ZNF142: variants seen among roughly 807,000 people sequenced by gnomAD.
ZNF142 encodes the protein zinc finger protein 142, also known as zinc finger protein 142 (clone pHZ-49).
A neutral mutation model predicts 132.1 loss-of-function variants in ZNF142; 96 were observed. The ratio of observed to expected loss-of-function variants is 0.73; its 90% CI spans 0.62 to 0.86. ZNF142 has a LOEUF of 0.86. ZNF142 is among the 40% of genes least tolerant of loss of function. ZNF142 has a pLI of 0.00. For synonymous variants in ZNF142, 842 were observed against 890.1 expected, an observed-to-expected ratio of 0.95 and a Z score of 0.96; for missense variants, 2,163 against 2,336.2, an observed-to-expected ratio of 0.93 and a Z score of 1.53.
Position 218,658,826 on chromosome 2 carries a change from G to A in ZNF142, c.-160C>T, listed in dbSNP as rs1237089696. On this transcript the variant is annotated 5_prime_UTR_variant, in exon 3 of 11. Coordinates refer to ENST00000411696, the MANE Select transcript of ZNF142 (RefSeq NM_001379659.1). ...CCTGCGGGAGGGCAGGGTGAGGTAG[G>A]AGACAGGTGGGCACCAGAGAAGAAA... 1 of 152,314 alleles carries A rather than the reference G, an allele frequency of 6.6e-6. No individual in the cohort carries two copies. The highest frequency in any genetic ancestry group is 1.9e-4 in the East Asian group (1 of 5,194). The allele number at this position is 152,314 out of a possible 1,614,324, so 9.4% of individuals were successfully genotyped here.
At chr2:218,658,229 T>C (rs192403802) in intron 3 of ZNF142, among the ~76,000 whole-genome samples, 35 of 151,812 alleles carry the variant, frequency 2.3e-4, no homozygotes, top group African/African-American at 8.0e-4. Context: ...ACAGACAAGA[T>C]GCAAAAAGAA....
At position 218,646,366 on chromosome 2, in the gene ZNF142, G is replaced by C; in HGVS notation, c.1874-18C>G. 1.2e-6 allele frequency: 2 copies of C among 1,613,066 alleles called. No homozygotes were observed. The highest frequency in any genetic ancestry group is 2.2e-5 in the South Asian group (2 of 90,916). On this transcript the variant is annotated intron_variant, in intron 7 of 10. Coordinates refer to ENST00000411696, the MANE Select transcript of ZNF142 (RefSeq NM_001379659.1). ...CTTCTCACCTTATATGGGGGATGCG[G>C]ATGAAGGGAGAGAACACAGGTCAGA...
chr2:218,637,546 G>A lies in ZNF142; in HGVS notation c.*793C>T, dbSNP rs1204761384. ...TGAAGCAGTTATAGAATTCTGAATT[G>A]GAGATTTTCCTCTCTAGTCATCTGC... On this transcript the variant is annotated 3_prime_UTR_variant, in exon 11 of 11. Transcript: ENST00000411696. Among the ~76,000 whole-genome samples the A allele has an allele frequency of 6.6e-6, 1 of 152,194 alleles. No individual in the cohort carries two copies. Among genetic ancestry groups the A allele is most frequent in the East Asian group, 1.9e-4 (1 of 5,196 alleles).
In ZNF142 at chr2:218,644,650, T is replaced by C; in HGVS notation, c.2466A>G (p.Thr822=). 1 of 1,613,798 alleles carries C rather than the reference T, an allele frequency of 6.2e-7. No individual in the cohort carries two copies. Among genetic ancestry groups the C allele is most frequent in the Non-Finnish European group, 8.5e-7 (1 of 1,179,928 alleles). The change falls in exon 9 of 11, where the codon ACA becomes ACG. Residue 822 remains threonine (T), a synonymous_variant. Coordinates refer to ENST00000411696, the MANE Select transcript of ZNF142 (RefSeq NM_001379659.1). The surrounding 1 kb of genome is among the most constrained non-coding windows in gnomAD (Gnocchi z 4.6). ...TTGAGGGCTCTGAATCTGGTGGGGG[T>C]GTTGGGCCCTGCATGGCCCCTTCTG... is the stretch of plus-strand genomic sequence containing the variant. ...QEPEGAMQGP[T]PPPDSEPSNQ...
rs759213183 is a variant in ZNF142 at position 218,635,817 on chromosome 2, C to T, written c.*2522G>A. ...ACAGGTGATCAGCGGTCAGCAACTCCCCAAAGTGGACAAGACCAAAGAGGG... is the reference window on the plus strand; with the variant it reads ...ACAGGTGATCAGCGGTCAGCAACTCTCCAAAGTGGACAAGACCAAAGAGGG... On this transcript the variant is annotated 3_prime_UTR_variant, in exon 11 of 11. Transcript: ENST00000411696. The T allele has an allele frequency of 2.2e-5, 35 of 1,613,274 alleles. No homozygotes were observed. The highest frequency in any genetic ancestry group is 2.9e-5 in the Non-Finnish European group (34 of 1,179,670).
In ZNF142 at chr2:218,643,950, T is replaced by C; in HGVS notation, c.3166A>G (p.Arg1056Gly). The C allele has an allele frequency of 6.2e-7, 1 of 1,614,152 alleles. No homozygotes were observed. The highest frequency in any genetic ancestry group is 8.5e-7 in the Non-Finnish European group (1 of 1,180,002). Residue 1056 changes from arginine (R) to glycine (G), a missense_variant, in exon 9 of 11, where the codon AGG (arginine) becomes GGG (glycine). Around this residue, in one of 7 missense-constraint regions of ZNF142, gnomAD observed 809 missense variants for 801.7 expected, o/e 1.01. Transcript: ENST00000411696. ...RREKALNLHS[R>G]TGCQGRREPL... ...TCTCGGCGGCCTTGGCACCCAGTCC[T>C]GGAGTGCAGATTCAGGGCCTTCTCC...
chr2:218,642,794 G>C lies in ZNF142; in HGVS notation c.4322C>G (p.Ser1441Trp), dbSNP rs752753365. The C allele has an allele frequency of 1.9e-6, 3 of 1,614,178 alleles. No homozygotes were observed. The South Asian group carries it at 3.3e-5, about 18-fold the overall frequency. ...CCTTAACCGGTGCAAGCGCAGTTTC[G>C]AGTTGGTACCAAACGTCTGGGGGCA... ...SSCPQTFGTN[S>W]KLRLHRLRVH... The change falls in exon 9 of 11, where the codon TCG becomes TGG. Residue 1441 changes from serine (S) to tryptophan (W), a missense_variant. Physicochemically the swap from Ser to Trp is radical, Grantham distance 177. Coordinates refer to ENST00000411696, the MANE Select transcript of ZNF142 (RefSeq NM_001379659.1). The surrounding 1 kb of genome is among the most constrained non-coding windows in gnomAD (Gnocchi z 4.6).
chr2:218,640,550 C>G (rs1308299791), intron 10 of ZNF142, 114 bp downstream of exon 10: 1 of 890,800 alleles, frequency 1.1e-6, no homozygotes, highest in Non-Finnish European at 1.8e-6. Flanking sequence ...GCTGTCTACT[C>G]CCAATGTGAA....
At position 218,633,818 on chromosome 2, in the gene ZNF142, AT is replaced by A. The variant is rs1308216357; in HGVS notation, c.*4520del. 1 of 1,585,010 alleles carries A rather than the reference AT, an allele frequency of 6.3e-7. No homozygotes were observed. Among genetic ancestry groups the A allele is most frequent in the Non-Finnish European group, 8.6e-7 (1 of 1,158,434 alleles). The stretch of plus-strand genomic sequence containing the variant: ...AGTGGGATGGATAGGTTCAGGCCTG[AT>A]GGACTGGCAGGTAAGTCCCAAGAAA... On this transcript the variant is annotated 3_prime_UTR_variant, in exon 11 of 11. Transcript: ENST00000411696.
intron 3 of ZNF142, among the ~76,000 whole-genome samples, chr2:218,658,345 G>T (rs190047788): frequency 6.6e-6 from 1 of 152,256 alleles, no homozygotes; most frequent in Non-Finnish European, 1.5e-5. Flanking sequence ...TTCGAGACCA[G>T]CCTGGCGAAC....
At chr2:218,639,980 C>T (rs1373901701) in intron 10 of ZNF142, among the ~76,000 whole-genome samples, 11 of 128,160 alleles carry the variant, frequency 8.6e-5, no homozygotes, top group African/African-American at 2.6e-4. Flanking sequence ...GGTGTGAACC[C>T]GGAAGGCAGA....
intron 5 of ZNF142, among the ~76,000 whole-genome samples, chr2:218,650,987 CTTT>C (rs5838705): frequency 4.1e-4 from 57 of 137,598 alleles, no homozygotes; most frequent in Admixed American, 5.8e-4. Flanking sequence ...TTCTTTACTT[CTTT>C]TTTTTTTTTT....
In ZNF142 at chr2:218,643,824, C is replaced by T. The variant is rs1272129195; in HGVS notation, c.3292G>A (p.Gly1098Ser). Residue 1098 changes from glycine (G) to serine (S), a missense_variant, in exon 9 of 11, where the codon GGC becomes AGC. By Grantham distance (56) the Gly-to-Ser change is moderately conservative. This residue lies in a region of ZNF142 where 809 missense variants were observed against 801.7 expected (regional missense o/e 1.01). Coordinates refer to ENST00000411696, the MANE Select transcript of ZNF142 (RefSeq NM_001379659.1). Reference protein sequence around the residue: ...KCPVLLRKNKGLPRPDSPIPL... With the variant: ...KCPVLLRKNKSLPRPDSPIPL... ...ATGGGTGAATCTGGTCTGGGCAAGC[C>T]CTTGTTCTTTCTGAGTAGAACAGGG... 1 of 1,613,438 alleles carries T rather than the reference C, an allele frequency of 6.2e-7. No individual in the cohort carries two copies. Among genetic ancestry groups the T allele is most frequent in the African/African-American group, 1.3e-5 (1 of 75,026 alleles).
chr2:218,646,179 C>T lies in ZNF142; in HGVS notation c.2043G>A (p.Gly681=). 2 of 1,613,256 alleles carry T rather than the reference C, an allele frequency of 1.2e-6. No homozygotes were observed. Among genetic ancestry groups the T allele is most frequent in the Non-Finnish European group, 1.7e-6 (2 of 1,179,846 alleles). The change falls in exon 8 of 11, where the codon GGG becomes GGA. Residue 681 remains glycine, a synonymous_variant. Coordinates refer to ENST00000411696, the MANE Select transcript of ZNF142 (RefSeq NM_001379659.1). ...YLRVHMRKHA[G]DLRYQCNQCS... is the part of the protein sequence containing the mutation. ...CTATGTGTGTGTTGTACCTGAGGTC[C>T]CCTGCATGTTTTCGCATGTGCACAC...
Position 218,634,642 on chromosome 2 carries a change from A to G in ZNF142, c.*3697T>C. ...CTCTCTTAATCCAGGTACAGTGGAA[A>G]TAAACTGTTGGGAAGAAACTGAGAT... is the stretch of plus-strand genomic sequence containing the variant. On this transcript the variant is annotated 3_prime_UTR_variant, in exon 11 of 11. Coordinates refer to ENST00000411696, the MANE Select transcript of ZNF142 (RefSeq NM_001379659.1). This position sits in a 1 kb window ranked among gnomAD's most constrained non-coding sequence, Gnocchi z 4.0. The G allele has an allele frequency of 1.2e-6, 2 of 1,611,976 alleles. No homozygotes were observed. Among genetic ancestry groups the G allele is most frequent in the East Asian group, 4.5e-5 (2 of 44,882 alleles).
chr2:218,639,161 G>C (rs1407298265), intron 10 of ZNF142, among the ~76,000 whole-genome samples: 1 of 152,184 alleles, frequency 6.6e-6, no homozygotes, highest in Non-Finnish European at 1.5e-5. Flanking sequence ...AGTGAAGACA[G>C]GGTTTCACCA....
At position 218,646,280 on chromosome 2, in the gene ZNF142, T is replaced by C. The variant is rs746940708; in HGVS notation, c.1942A>G (p.Met648Val). The C allele has an allele frequency of 8.7e-6, 14 of 1,614,098 alleles. No homozygotes were observed. The highest frequency in any genetic ancestry group is 1.3e-5 in the African/African-American group (1 of 74,916). The change falls in exon 8 of 11, where the codon ATG becomes GTG. Residue 648 changes from methionine to valine, a missense_variant. Met to Val is a conservative substitution (Grantham distance 21, BLOSUM62 1). Transcript: ENST00000411696. ...CRDVSYLSKH[M>V]LTHSNTKDYM... is the part of the protein sequence containing the mutation. ...TCCTTGGTGTTGGAGTGGGTCAGCA[T>C]GTGCTTGGATAGGTAGCTCACGTCT...
Position 218,642,364 on chromosome 2 carries a change from G to A in ZNF142, c.4752C>T (p.Leu1584=). 6.2e-7 allele frequency: 1 copy of A among 1,613,276 alleles called. No individual in the cohort carries two copies. Among genetic ancestry groups the A allele is most frequent in the Non-Finnish European group, 8.5e-7 (1 of 1,180,042 alleles). Residue 1584 remains leucine (L), a synonymous_variant, in exon 9 of 11, where the codon CTC becomes CTT. Transcript: ENST00000411696. This position sits in a 1 kb window ranked among gnomAD's most constrained non-coding sequence, Gnocchi z 4.6. ...RQQHFSHRCQ[L]CDFAARERVG... is the part of the protein sequence containing the mutation. Reference sequence around the variant, plus strand: ...CCCGCTCCCGGGCAGCAAAGTCACAGAGCTGACAGCGGTGGCTGAAATGCT... The same window carrying A: ...CCCGCTCCCGGGCAGCAAAGTCACAAAGCTGACAGCGGTGGCTGAAATGCT...
rs551096799 is a variant in ZNF142 at position 218,638,399 on chromosome 2, C to T, written c.5604G>A (p.Val1868=). The change falls in exon 11 of 11, where the codon GTG becomes GTA. Residue 1868 remains valine (V), a synonymous_variant. Coordinates refer to ENST00000411696, the MANE Select transcript of ZNF142 (RefSeq NM_001379659.1). The part of the protein sequence containing the change: ...PTTPTVHLHD[V]QLEDPSPPAP... ...CAGGAGGGCTGGGATCCTCCAGCTGCACATCATGCAGGTGCACTGTGGGGG... is the reference window on the plus strand; with the variant it reads ...CAGGAGGGCTGGGATCCTCCAGCTGTACATCATGCAGGTGCACTGTGGGGG... 2.1e-5 allele frequency: 32 copies of T among 1,535,428 alleles called. No homozygotes were observed. The African/African-American group carries it at 4.1e-4, about 20-fold the overall frequency.
Sources: allele counts gnomAD v4.1 joint callset (sites outside exome capture counted in the v4.1 genomes callset), GRCh38; gene constraint gnomAD v4.1.1; regional missense constraint gnomAD v4.1.1; non-coding constraint Gnocchi (gnomAD v3.1); transcripts MANE v1.5; gene names NCBI Gene and HGNC (gene_info 2026-07-23, HGNC 2026-07-21).